The following DIP2B variants were observed in gnomAD, a reference collection of about 807,000 sequenced individuals.
DIP2B encodes disco-interacting protein 2 homolog B.
Under a neutral mutation model 198.0 loss-of-function variants are expected in DIP2B, and 76 were observed. The ratio of observed to expected loss-of-function variants is 0.38; its 90% CI spans 0.32 to 0.46. The LOEUF (loss-of-function observed/expected upper bound fraction) is 0.46. DIP2B is among the 20% of genes least tolerant of loss of function. The pLI, the probability that DIP2B is intolerant of heterozygous loss-of-function variation, is 0.99. For missense variants in DIP2B, 1,559 were observed against 1,978.4 expected (o/e 0.79, Z 4.02); for synonymous variants, 701 against 739.1 (o/e 0.95, Z 0.84).
chr12:50,600,886 GACCACCATCACC>G (rs1306039751), intron 1 of DIP2B, among the ~76,000 whole-genome samples: 4 of 134,984 alleles, frequency 3.0e-5, no homozygotes, highest in East Asian at 2.2e-4. Context: ...TCACCACCAT[GACCACCATCACC>G]ACCACCACCA....
intron 23 of DIP2B, among the ~76,000 whole-genome samples, chr12:50,716,958 C>CTTTGTTTTTT (rs1939731976): frequency 3.4e-5 from 2 of 58,922 alleles, no homozygotes; most frequent in East Asian, 7.7e-4. Context: ...CGAATTGTTG[C>CTTTGTTTTTT]TTTTTTTTTT....
chr12:50,734,279 A>G, intron 33 of DIP2B, 83 bp downstream of exon 33: 1 of 1,410,426 alleles, frequency 7.1e-7, no homozygotes, highest in Admixed American at 1.8e-5. Flanking sequence ...ATTTTCCCTC[A>G]TTCCTTTTGT....
At chr12:50,716,958 C>CTTTTT (rs4026694) in intron 23 of DIP2B, among the ~76,000 whole-genome samples, 20,658 of 58,626 alleles carry the variant, frequency 0.35, 7,566 homozygotes, top group Non-Finnish European at 0.41. Flanking sequence ...CGAATTGTTG[C>CTTTTT]TTTTTTTTTT....
chr12:50,726,597 T>C (rs1191991731), intron 28 of DIP2B, among the ~76,000 whole-genome samples: 1 of 152,002 alleles, frequency 6.6e-6, no homozygotes, highest in Non-Finnish European at 1.5e-5. Flanking sequence ...GTGGTCTACC[T>C]GCCTCGGCCT....
intron 7 of DIP2B, among the ~76,000 whole-genome samples, chr12:50,678,147 G>A (rs1320101861): frequency 6.6e-6 from 1 of 150,960 alleles, no homozygotes; most frequent in African/African-American, 2.4e-5. Context: ...CCCATTGTCT[G>A]TTTGAGTGAA....
rs56793612 is a variant in DIP2B, at chr12:50,510,947, CT to C, written c.100+5723del. ...GGCATGAGCCACTGCGCCTGGCTTT[CT>C]TTTTTTTTTTTTTTTGAGACGGAGT... On this transcript the variant is annotated intron_variant, in intron 1 of 37. Coordinates refer to ENST00000301180, the MANE Select transcript of DIP2B (RefSeq NM_173602.3). Among the ~76,000 whole-genome samples the C allele has an allele frequency of 4.9e-3, 637 of 131,032 alleles. 7 individuals carry two copies. Among genetic ancestry groups the C allele is most frequent in the African/African-American group, 0.017 (588 of 34,460 alleles). 86.0% of individuals were successfully genotyped at this position (131,032 alleles called of 152,430 possible). A position where few individuals can be genotyped will look rare whatever the true frequency, so the allele number is the denominator to read the frequency against.
At chr12:50,581,303 G>C (rs1958722513) in intron 1 of DIP2B, among the ~76,000 whole-genome samples, 1 of 149,412 alleles carries the variant, frequency 6.7e-6, no homozygotes, top group Admixed American at 6.8e-5. Context: ...AAAATAGGCA[G>C]GCTTTTAAGA....
chr12:50,678,145 C>T (rs1938980286), intron 7 of DIP2B, among the ~76,000 whole-genome samples: 1 of 150,674 alleles, frequency 6.6e-6, no homozygotes, highest in Non-Finnish European at 1.5e-5. Context: ...TGCCCATTGT[C>T]TGTTTGAGTG....
At position 50,732,431 on chromosome 12, in the gene DIP2B, T is replaced by G. The variant is rs2139598889; in HGVS notation, c.3876T>G (p.Val1292=). 1.9e-6 allele frequency: 3 copies of G among 1,614,220 alleles called. No individual in the cohort carries two copies. The highest frequency in any genetic ancestry group is 2.5e-6 in the Non-Finnish European group (3 of 1,180,034). The stretch of plus-strand genomic sequence containing the variant: ...TGGTGGCGGAGGAGAGGCCCCGCGT[T>G]GCACTCCAGCAGTCCTTCTCTAAGC... ...CVVVAEERPR[V]ALQQSFSKLF... is the part of the protein sequence containing the mutation. The change falls in exon 32 of 38, where the codon GTT becomes GTG. Residue 1292 remains valine, a synonymous_variant. Coordinates refer to ENST00000301180, the MANE Select transcript of DIP2B (RefSeq NM_173602.3).
chr12:50,607,725 T>C (rs545706007), intron 1 of DIP2B, among the ~76,000 whole-genome samples: 28 of 152,342 alleles, frequency 1.8e-4, no homozygotes, highest in African/African-American at 6.7e-4. Context: ...TACAGCAAGC[T>C]CTTAGTCTGA....
Position 50,737,023 on chromosome 12 carries a change from C to T in DIP2B, c.4102-13C>T. 6.2e-7 allele frequency: 1 copy of T among 1,612,954 alleles called. No individual in the cohort carries two copies. Among genetic ancestry groups the T allele is most frequent in the African/African-American group, 1.3e-5 (1 of 74,958 alleles). The stretch of plus-strand genomic sequence containing the variant: ...ACTGAACTCAATCTTTGTATTTTCC[C>T]TTTGATTCTTAGATTTTACCTGGAG... On this transcript the variant is annotated splice_polypyrimidine_tract_variant and intron_variant, in intron 34 of 37. Coordinates refer to ENST00000301180, the MANE Select transcript of DIP2B (RefSeq NM_173602.3).
intron 31 of DIP2B, 34 bp from the exon 32 acceptor site, chr12:50,732,332 A>G (rs1210423219): frequency 6.2e-7 from 1 of 1,611,826 alleles, no homozygotes; most frequent in Non-Finnish European, 8.5e-7. Context: ...TTATGATCCT[A>G]CTGACTTGGC....
chr12:50,552,521 C>T (rs1333391142), intron 1 of DIP2B, among the ~76,000 whole-genome samples: 1 of 152,070 alleles, frequency 6.6e-6, no homozygotes, highest in Non-Finnish European at 1.5e-5. Context: ...CCGCCTCGGC[C>T]TCCCAAAGGT....
In DIP2B at chr12:50,698,600, C is replaced by T. The variant is rs1049112678; in HGVS notation, c.2188+133C>T. 9 of 1,092,326 alleles carry T rather than the reference C, an allele frequency of 8.2e-6. No homozygotes were observed. The African/African-American group carries it at 1.4e-4, about 17-fold the overall frequency. The allele number at this position is 1,092,326 out of a possible 1,614,324, so 67.7% of individuals were successfully genotyped here. On this transcript the variant is annotated intron_variant, in intron 18 of 37. Transcript: ENST00000301180. The stretch of plus-strand genomic sequence containing the variant: ...TAACGCATTTAATTTCTCAGAGCCT[C>T]TCTAATAGTTAAGTCATTATAATTA...
chr12:50,660,441 G>A, intron 4 of DIP2B, 122 bp downstream of exon 4: 1 of 1,168,140 alleles, frequency 8.6e-7, no homozygotes, highest in Non-Finnish European at 1.1e-6. Flanking sequence ...AGGAATGTAA[G>A]AGAACACTCT....
intron 23 of DIP2B, among the ~76,000 whole-genome samples, chr12:50,717,012 G>T (rs1939736918): frequency 7.8e-6 from 1 of 127,820 alleles, no homozygotes; most frequent in South Asian, 2.6e-4. Context: ...GCCCAGGCTG[G>T]AGTACAGTAG....
intron 1 of DIP2B, among the ~76,000 whole-genome samples, chr12:50,560,500 G>A (rs1170697026): frequency 5.3e-5 from 8 of 152,000 alleles, no homozygotes; most frequent in African/African-American, 1.2e-4. Flanking sequence ...CCTGGGAGGC[G>A]GAGGTTACAG....
intron 1 of DIP2B, among the ~76,000 whole-genome samples, chr12:50,617,903 A>AT (rs1464100992): frequency 2.0e-5 from 3 of 152,190 alleles, no homozygotes; most frequent in Non-Finnish European, 2.9e-5. Flanking sequence ...AGTCATCTGT[A>AT]TTTTGAAGTG....
chr12:50,692,286 A>G (rs541574695), intron 13 of DIP2B, among the ~76,000 whole-genome samples: 77 of 152,150 alleles, frequency 5.1e-4, no homozygotes, highest in African/African-American at 1.8e-3. Flanking sequence ...TTAGAGATAT[A>G]TACATATACA....
Sources: allele counts gnomAD v4.1 joint callset (sites outside exome capture counted in the v4.1 genomes callset), GRCh38; gene constraint gnomAD v4.1.1; transcripts MANE v1.5; gene names NCBI Gene and HGNC (gene_info 2026-07-23, HGNC 2026-07-21).